The following CSMD1 variants were observed in gnomAD, a reference collection of about 807,000 sequenced individuals.
The protein encoded by CSMD1 is CUB and Sushi multiple domains 1, also known as CUB and sushi domain-containing protein 1.
In CSMD1, 213 loss-of-function variants were observed where a neutral mutation model predicts 417.5. The ratio of observed to expected loss-of-function variants is 0.51; its 90% CI spans 0.46 to 0.57. The LOEUF is 0.57. Ranked by LOEUF, CSMD1 falls within the 20% of genes least tolerant of loss-of-function variation. The pLI is 0.00. For synonymous variants in CSMD1, 2,862 were observed against 1,736.8 expected (o/e 1.65, Z -16.11); for missense variants, 6,923 against 4,529.7 (o/e 1.53, Z -15.17).
At chr8:3,987,926 G>C (rs559222571) in intron 5 of CSMD1, among the ~76,000 whole-genome samples, 6 of 152,262 alleles carry the variant, frequency 3.9e-5, no homozygotes, top group African/African-American at 7.2e-5. Context: ...ACACCGAATG[G>C]TCTCACATCA....
intron 1 of CSMD1, among the ~76,000 whole-genome samples, chr8:4,772,344 T>A (rs1231464207): frequency 6.6e-6 from 1 of 152,222 alleles, no homozygotes; most frequent in Non-Finnish European, 1.5e-5. Context: ...GCTTTTTTTC[T>A]GACTCCATTC....
At chr8:4,583,021 C>A (rs536322370) in intron 2 of CSMD1, among the ~76,000 whole-genome samples, 2 of 152,198 alleles carry the variant, frequency 1.3e-5, no homozygotes, top group African/African-American at 2.4e-5. Flanking sequence ...GCCAGCCCAC[C>A]GGCGCTGTGC....
At chr8:3,555,498 T>C (rs533859590) in intron 10 of CSMD1, among the ~76,000 whole-genome samples, 1 of 152,326 alleles carries the variant, frequency 6.6e-6, no homozygotes, top group Admixed American at 6.5e-5. Flanking sequence ...CAGGTTTAAA[T>C]TCTATGCACT....
chr8:3,931,617 GAGAC>G lies in CSMD1; in HGVS notation c.818+66282_818+66285del, dbSNP rs999669065. On this transcript the variant is annotated intron_variant, in intron 5 of 69. Transcript: ENST00000635120. ...CCTCAAATCATTGCGCCAAGAGTTA[GAGAC>G]AGAGAAAAGTGCCTCAGGATGTCTT... is the stretch of plus-strand genomic sequence containing the variant. Among the ~76,000 whole-genome samples the G allele has an allele frequency of 5.3e-5, 8 of 149,778 alleles. 1 individual carries two copies. The highest frequency in any genetic ancestry group is 2.7e-4 in the Admixed American group (4 of 14,992).
chr8:4,811,067 T>C (rs1178026893), intron 1 of CSMD1, among the ~76,000 whole-genome samples: 3 of 152,216 alleles, frequency 2.0e-5, no homozygotes, highest in Non-Finnish European at 4.4e-5. Context: ...GTAAAGTAAT[T>C]CGACCCTGTT....
intron 3 of CSMD1, among the ~76,000 whole-genome samples, chr8:4,184,108 T>A (rs1397062671): frequency 1.3e-5 from 2 of 152,220 alleles, no homozygotes; most frequent in Non-Finnish European, 2.9e-5. Flanking sequence ...TTAGGAATGT[T>A]AACTATAATT....
chr8:3,618,631 C>G (rs1282167608), intron 7 of CSMD1, among the ~76,000 whole-genome samples: 3 of 152,098 alleles, frequency 2.0e-5, no homozygotes, highest in African/African-American at 7.2e-5. Flanking sequence ...CAGAAAGCTC[C>G]AGACCTGTAT....
chr8:3,733,996 G>C (rs1174657333), intron 6 of CSMD1, among the ~76,000 whole-genome samples: 1 of 152,100 alleles, frequency 6.6e-6, no homozygotes, highest in Admixed American at 6.5e-5. Flanking sequence ...GTCTGTACGT[G>C]TGCAAGGGTG....
chr8:4,458,247 G>C (rs755034708), intron 2 of CSMD1, among the ~76,000 whole-genome samples: 2 of 151,924 alleles, frequency 1.3e-5, no homozygotes, highest in Non-Finnish European at 2.9e-5. Flanking sequence ...CACTTAAATG[G>C]TTGCAGAGTA....
chr8:3,945,559 G>C (rs930755170), intron 5 of CSMD1, among the ~76,000 whole-genome samples: 6 of 151,990 alleles, frequency 3.9e-5, no homozygotes, highest in African/African-American at 1.4e-4. Context: ...TGAGAGACAA[G>C]TTTAAAAAAA....
intron 7 of CSMD1, among the ~76,000 whole-genome samples, chr8:3,674,592 TTA>T (rs1395273629): frequency 8.8e-6 from 1 of 113,148 alleles, no homozygotes; most frequent in East Asian, 2.4e-4. Flanking sequence ...GCAAAATATA[TTA>T]TAACTCCAGA....
Position 4,794,546 on chromosome 8 carries a change from C to G in CSMD1, c.86-156988G>C, listed in dbSNP as rs138129810. Among the ~76,000 whole-genome samples, 1,058 of 152,236 alleles carry G rather than the reference C, an allele frequency of 6.9e-3. 11 individuals carry two copies. The highest frequency in any genetic ancestry group is 0.024 in the African/African-American group (1,000 of 41,536). ...CATCTCTGCCTGACTCTCCCTCCCC[C>G]ACGTCCACCTATGTGCTGAGAGATT... On this transcript the variant is annotated intron_variant, in intron 1 of 69. Transcript: ENST00000635120.
At chr8:2,966,391 C>G (rs73657531) in intron 58 of CSMD1, among the ~76,000 whole-genome samples, 179 bp downstream of exon 58, 36,781 of 152,000 alleles carry the variant, frequency 0.24, 5,377 homozygotes, top group African/African-American at 0.41. Context: ...GAATAAGCAA[C>G]TGGAAAAAAA....
intron 25 of CSMD1, among the ~76,000 whole-genome samples, chr8:3,297,482 A>G (rs955965682): frequency 1.3e-5 from 2 of 152,212 alleles, no homozygotes; most frequent in Admixed American, 6.5e-5. Context: ...TAGATAAATG[A>G]AATGGAATAC....
At chr8:3,892,873 G>A (rs912296820) in intron 5 of CSMD1, among the ~76,000 whole-genome samples, 3 of 151,950 alleles carry the variant, frequency 2.0e-5, no homozygotes, top group Non-Finnish European at 2.9e-5. Flanking sequence ...CAGAGCAGGT[G>A]AGTGGAGAGG....
At chr8:4,824,289 G>C (rs1306039533) in intron 1 of CSMD1, among the ~76,000 whole-genome samples, 1 of 151,992 alleles carries the variant, frequency 6.6e-6, no homozygotes, top group East Asian at 1.9e-4. Context: ...GTTTTTCTTG[G>C]GTACGTATCA....
intron 54 of CSMD1, among the ~76,000 whole-genome samples, chr8:2,986,302 T>C (rs1397142544): frequency 1.3e-5 from 2 of 152,170 alleles, no homozygotes; most frequent in Non-Finnish European, 2.9e-5. Context: ...AAGAGGGTAC[T>C]GTGGCTACCA....
At chr8:3,605,244 C>A (rs1181560697) in intron 8 of CSMD1, among the ~76,000 whole-genome samples, 2 of 152,170 alleles carry the variant, frequency 1.3e-5, no homozygotes, top group African/African-American at 2.4e-5. Flanking sequence ...CCCGCCTCGG[C>A]CTCCCACAGT....
At chr8:3,137,282 A>G (rs1399891311) in intron 41 of CSMD1, among the ~76,000 whole-genome samples, 1 of 152,246 alleles carries the variant, frequency 6.6e-6, no homozygotes, top group Non-Finnish European at 1.5e-5. Context: ...AAATTGATTT[A>G]ATTTAATGAG....
Sources: gnomAD v4.1 joint callset for allele counts (sites outside exome capture counted in the v4.1 genomes callset) on GRCh38, gnomAD v4.1.1 for gene constraint, MANE v1.5 for transcripts, NCBI Gene and HGNC (gene_info 2026-07-23, HGNC 2026-07-21) for gene names.